The following CADPS2 variants were observed in gnomAD, a reference collection of about 807,000 sequenced individuals.
CADPS2 encodes the protein calcium-dependent secretion activator 2.
CADPS2 carries 93 observed loss-of-function variants against 172.5 expected under a neutral mutation model. That is an observed-to-expected ratio of 0.54 (90% CI 0.46 to 0.64). The LOEUF is 0.64. Ranked by LOEUF, CADPS2 falls within the 30% of genes least tolerant of loss-of-function variation. The probability of loss-of-function intolerance (pLI) is 0.00; values close to 1 mark genes in which losing one functional copy is unlikely to be tolerated. For synonymous variants in CADPS2, 546 were observed against 555.2 expected, an observed-to-expected ratio of 0.98 and a Z score of 0.23; for missense variants, 1,420 against 1,565.9, an observed-to-expected ratio of 0.91 and a Z score of 1.57.
chr7:122,769,793 T>C (rs1187775593), intron 1 of CADPS2, among the ~76,000 whole-genome samples: 1 of 152,210 alleles, frequency 6.6e-6, no homozygotes, highest in Non-Finnish European at 1.5e-5. Flanking sequence ...GTTGACTGTG[T>C]AACCTTGGAC....
At chr7:122,359,209 G>C (rs12538608) in intron 27 of CADPS2, among the ~76,000 whole-genome samples, 3,549 of 152,158 alleles carry the variant, frequency 0.023, 127 homozygotes, top group African/African-American at 0.08. Context: ...CATGAAAATT[G>C]TCATTAAATA....
At chr7:122,838,371 A>AC (rs1461053211) in intron 1 of CADPS2, among the ~76,000 whole-genome samples, 2 of 152,144 alleles carry the variant, frequency 1.3e-5, no homozygotes, top group African/African-American at 2.4e-5. Context: ...AACTGGCACA[A>AC]ACAGGGATGC....
chr7:122,371,893 G>T (rs1435531836), intron 25 of CADPS2, among the ~76,000 whole-genome samples: 1 of 152,112 alleles, frequency 6.6e-6, no homozygotes, highest in African/African-American at 2.4e-5. Flanking sequence ...CTGGGGTGGG[G>T]TGGAGGTGAT....
chr7:122,587,098 A>AT lies in CADPS2; in HGVS notation c.1224-5809dup, dbSNP rs543225329. 2.4e-3 allele frequency among the ~76,000 whole-genome samples: 358 copies of AT among 147,532 alleles called. 1 individual carries two copies. Among genetic ancestry groups the AT allele is most frequent in the South Asian group, 0.023 (107 of 4,684 alleles). On this transcript the variant is annotated intron_variant, in intron 6 of 29. Transcript: ENST00000449022. ...TAATTCTTATGATTTTTCATGCTGAATTTTTTTTTTTTACTTTTTTATTTT... is the reference window on the plus strand; with the variant it reads ...TAATTCTTATGATTTTTCATGCTGAATTTTTTTTTTTTTACTTTTTTATTTT...
chr7:122,782,837 T>C (rs554059334), intron 1 of CADPS2, among the ~76,000 whole-genome samples: 2 of 152,316 alleles, frequency 1.3e-5, no homozygotes, highest in South Asian at 2.1e-4. Context: ...TTAAAACTTA[T>C]CTTTAAAGTA....
chr7:122,724,723 G>C (rs906379745), intron 2 of CADPS2, among the ~76,000 whole-genome samples: 3 of 151,452 alleles, frequency 2.0e-5, no homozygotes, highest in East Asian at 3.9e-4. Flanking sequence ...AACAAAACTC[G>C]CAACGTTTTT....
At chr7:122,788,140 G>C (rs1239410444) in intron 1 of CADPS2, among the ~76,000 whole-genome samples, 1 of 152,158 alleles carries the variant, frequency 6.6e-6, no homozygotes, top group South Asian at 2.1e-4. Context: ...AGGGTTAATA[G>C]GAAACAATAC....
chr7:122,596,271 A>G (rs558580561), intron 6 of CADPS2, among the ~76,000 whole-genome samples: 7 of 152,250 alleles, frequency 4.6e-5, no homozygotes, highest in Non-Finnish European at 8.8e-5. Flanking sequence ...TGATCCTCAT[A>G]ACAGGAGCTC....
At position 122,692,155 on chromosome 7, in the gene CADPS2, C is replaced by A. The variant is rs192000420; in HGVS notation, c.454-28586G>T. On this transcript the variant is annotated intron_variant, in intron 2 of 29. Coordinates refer to ENST00000449022, the MANE Select transcript of CADPS2 (RefSeq NM_017954.11). ...CGGGCAGGACCAGGTTGTACACCAACGTCCTTCTCCTGAATGACTTGCACT... is the reference window on the plus strand; with the variant it reads ...CGGGCAGGACCAGGTTGTACACCAAAGTCCTTCTCCTGAATGACTTGCACT... Among the ~76,000 whole-genome samples the A allele has an allele frequency of 2.0e-5, 3 of 152,150 alleles. No homozygotes were observed. The South Asian group carries it at 6.2e-4, about 32-fold the overall frequency.
chr7:122,433,900 C>A (rs984216006), intron 17 of CADPS2, among the ~76,000 whole-genome samples: 1 of 152,164 alleles, frequency 6.6e-6, no homozygotes, highest in East Asian at 1.9e-4. Context: ...CAACTCTACA[C>A]ATGGCCTCTG....
chr7:122,531,457 T>G (rs1167973995), intron 8 of CADPS2, among the ~76,000 whole-genome samples: 1 of 152,206 alleles, frequency 6.6e-6, no homozygotes, highest in Non-Finnish European at 1.5e-5. Context: ...AACAGTATTC[T>G]CTTTTAGTTG....
intron 5 of CADPS2, among the ~76,000 whole-genome samples, 192 bp downstream of exon 5, chr7:122,621,289 T>C (rs2133990185): frequency 6.6e-6 from 1 of 152,292 alleles, no homozygotes; most frequent in East Asian, 1.9e-4. Context: ...CCTAATATTG[T>C]TGTTATGTTT....
chr7:122,452,621 C>T (rs2053271923), intron 14 of CADPS2, among the ~76,000 whole-genome samples: 1 of 152,136 alleles, frequency 6.6e-6, no homozygotes, highest in East Asian at 1.9e-4. Flanking sequence ...GTCTGGAACT[C>T]CTGACCTCAA....
chr7:122,461,949 A>G (rs898684698), intron 14 of CADPS2, among the ~76,000 whole-genome samples: 9 of 152,200 alleles, frequency 5.9e-5, no homozygotes, highest in African/African-American at 2.2e-4. Flanking sequence ...GAATGTCTTC[A>G]AAGTTCTAAG....
chr7:122,690,850 T>C (rs552469841), intron 2 of CADPS2, among the ~76,000 whole-genome samples: 1 of 152,286 alleles, frequency 6.6e-6, no homozygotes, highest in African/African-American at 2.4e-5. Context: ...TATCAAACCA[T>C]ATAGTGTCAG....
chr7:122,709,453 T>C (rs1451005146), intron 2 of CADPS2, among the ~76,000 whole-genome samples: 1 of 151,912 alleles, frequency 6.6e-6, no homozygotes, highest in Non-Finnish European at 1.5e-5. Flanking sequence ...TTTTACACTG[T>C]TGGTGGGACT....
Position 122,579,450 on chromosome 7 carries a change from A to AATATATATATAT in CADPS2, c.1335+1717_1335+1728dup, listed in dbSNP as rs3034498. ...GTTTCTCAGATATAAAATTGCATCG[A>AATATATATATAT]ATATATATATATATATATATATATA... is the stretch of plus-strand genomic sequence containing the variant. On this transcript the variant is annotated intron_variant, in intron 7 of 29. Transcript: ENST00000449022. 4.8e-3 allele frequency among the ~76,000 whole-genome samples: 612 copies of AATATATATATAT among 128,582 alleles called. 1 individual carries two copies. Among genetic ancestry groups the AATATATATATAT allele is most frequent in the Middle Eastern group, 8.3e-3 (2 of 242 alleles). 84.4% of individuals were successfully genotyped at this position (128,582 alleles called of 152,430 possible). A position where few individuals can be genotyped will look rare whatever the true frequency, so the allele number is the denominator to read the frequency against.
intron 3 of CADPS2, among the ~76,000 whole-genome samples, chr7:122,636,141 C>T (rs1432335920): frequency 2.0e-5 from 3 of 152,012 alleles, no homozygotes; most frequent in Non-Finnish European, 4.4e-5. Context: ...CCTGTTATTT[C>T]GTTAGCTGGT....
At chr7:122,794,748 A>AT (rs202133457) in intron 1 of CADPS2, among the ~76,000 whole-genome samples, 14 of 148,774 alleles carry the variant, frequency 9.4e-5, no homozygotes, top group South Asian at 4.4e-4. Context: ...AACTGAAATC[A>AT]TTTTAAAAAA....
Sources: allele counts gnomAD v4.1 joint callset (sites outside exome capture counted in the v4.1 genomes callset), GRCh38; gene constraint gnomAD v4.1.1; transcripts MANE v1.5; gene names NCBI Gene and HGNC (gene_info 2026-07-23, HGNC 2026-07-21).